The following HAUS6 variants were observed in gnomAD, a reference collection of about 807,000 sequenced individuals.
HAUS6 encodes HAUS augmin-like complex subunit 6.
Under a neutral mutation model 106.8 loss-of-function variants are expected in HAUS6, and 80 were observed. The ratio of observed to expected loss-of-function variants is 0.75; its 90% CI spans 0.63 to 0.90. The LOEUF is 0.90. HAUS6 is among the 40% of genes least tolerant of loss of function. The pLI, the probability that HAUS6 is intolerant of heterozygous loss-of-function variation, is 0.00. For missense variants in HAUS6, 1,155 were observed against 1,118.1 expected (o/e 1.03, Z -0.47); for synonymous variants, 356 against 379.1 (o/e 0.94, Z 0.71).
In HAUS6 at chr9:19,084,902, C is replaced by A. The variant is rs561387489; in HGVS notation, c.699+1832G>T. On this transcript the variant is annotated intron_variant, in intron 7 of 16. Coordinates refer to ENST00000380502, the MANE Select transcript of HAUS6 (RefSeq NM_017645.5). The stretch of plus-strand genomic sequence containing the variant: ...CCATATCGGCCTCCCAAAGTGCTCA[C>A]AGGCGTGAGCCACTGTACCCCCGCC... Among the ~76,000 whole-genome samples, 5 of 151,922 alleles carry A rather than the reference C, an allele frequency of 3.3e-5. No individual in the cohort carries two copies. The South Asian group carries it at 1.0e-3, about 31-fold the overall frequency.
chr9:19,059,888 T>A (rs1161205454), intron 15 of HAUS6, 200 bp downstream of exon 15: 3 of 403,762 alleles, frequency 7.4e-6, no homozygotes, highest in Non-Finnish European at 1.3e-5. Flanking sequence ...AAATTTTATA[T>A]CTCTGTATAT....
intron 5 of HAUS6, among the ~76,000 whole-genome samples, chr9:19,088,666 G>A (rs924118743): frequency 1.3e-5 from 2 of 150,048 alleles, no homozygotes; most frequent in African/African-American, 4.9e-5. Flanking sequence ...TCAGGAGTTC[G>A]AGACCAGCAT....
At position 19,053,652 on chromosome 9, in the gene HAUS6, G is replaced by A. The variant is rs1373817803; in HGVS notation, c.*2691C>T. Reference sequence around the variant, plus strand: ...TATCTCAGGTTTCAAGCTGATGTATGTCAGTTTATATACCTTTGTATCTTA... The same window carrying A: ...TATCTCAGGTTTCAAGCTGATGTATATCAGTTTATATACCTTTGTATCTTA... On this transcript the variant is annotated 3_prime_UTR_variant, in exon 17 of 17. Transcript: ENST00000380502. 4.6e-5 allele frequency: 7 copies of A among 152,156 alleles called. No homozygotes were observed. Among genetic ancestry groups the A allele is most frequent in the Non-Finnish European group, 7.4e-5 (5 of 68,004 alleles). The allele number at this position is 152,156 out of a possible 1,614,324, so 9.4% of individuals were successfully genotyped here.
intron 1 of HAUS6, among the ~76,000 whole-genome samples, chr9:19,099,159 T>G (rs1461676429): frequency 1.3e-5 from 2 of 149,802 alleles, no homozygotes; most frequent in African/African-American, 5.0e-5. Flanking sequence ...TTTTTTTTGT[T>G]TGTTTTTTTG....
At chr9:19,078,354 G>A in intron 9 of HAUS6, 52 bp from the exon 10 acceptor site, 1 of 1,085,208 alleles carries the variant, frequency 9.2e-7, no homozygotes, top group Non-Finnish European at 1.4e-6. Flanking sequence ...AAAAAGCACT[G>A]AGTAAAATTT....
At chr9:19,060,344 C>A in intron 14 of HAUS6, 121 bp from the exon 15 acceptor site, 1 of 683,816 alleles carries the variant, frequency 1.5e-6, no homozygotes, top group Non-Finnish European at 2.4e-6. Context: ...GCAGACAACA[C>A]AAAAATAAGC....
intron 12 of HAUS6, among the ~76,000 whole-genome samples, chr9:19,067,842 G>A (rs1452786813): frequency 1.3e-5 from 2 of 151,902 alleles, no homozygotes; most frequent in Non-Finnish European, 2.9e-5. Flanking sequence ...ATAAGCATGC[G>A]CCACCACACC....
Position 19,058,879 on chromosome 9 carries a change from T to C in HAUS6, c.1888A>G (p.Asn630Asp), listed in dbSNP as rs766416871. The C allele has an allele frequency of 1.2e-6, 2 of 1,611,522 alleles. No homozygotes were observed. Among genetic ancestry groups the C allele is most frequent in the Admixed American group, 3.3e-5 (2 of 59,996 alleles). ...VLPESLPVLH[N>D]QREFSMADFL... ...TCAGCCATGCTAAATTCTCTTTGAT[T>C]GTGCAACACAGGTAATGATTCTGGC... The change falls in exon 16 of 17, where the codon AAT becomes GAT. Residue 630 changes from asparagine (N) to aspartate (D), a missense_variant. Asn to Asp is a conservative substitution (Grantham distance 23, BLOSUM62 1). Coordinates refer to ENST00000380502, the MANE Select transcript of HAUS6 (RefSeq NM_017645.5).
intron 11 of HAUS6, among the ~76,000 whole-genome samples, chr9:19,075,107 A>T (rs926146919): frequency 6.6e-6 from 1 of 152,212 alleles, no homozygotes; most frequent in Non-Finnish European, 1.5e-5. Flanking sequence ...AACTTTGAAA[A>T]CGCTATGCTA....
Position 19,102,510 on chromosome 9 carries a change from C to G in HAUS6, c.128+14G>C. The G allele has an allele frequency of 6.2e-7, 1 of 1,611,568 alleles. No homozygotes were observed. Among genetic ancestry groups the G allele is most frequent in the South Asian group, 1.1e-5 (1 of 90,850 alleles). On this transcript the variant is annotated intron_variant, in intron 1 of 16. Transcript: ENST00000380502. ...GTTCAGGCTCCCTCGCCCCGCCGGCCCCGGCCTCCTTACACTCCGAGGTGC... is the reference window on the plus strand; with the variant it reads ...GTTCAGGCTCCCTCGCCCCGCCGGCGCCGGCCTCCTTACACTCCGAGGTGC...
intron 12 of HAUS6, 101 bp downstream of exon 12, chr9:19,070,118 G>T: frequency 1.4e-6 from 1 of 697,674 alleles, no homozygotes; most frequent in South Asian, 1.7e-5. Flanking sequence ...CTCCCCAACA[G>T]ACCCAGAAGT....
chr9:19,094,963 C>A (rs1344715202), intron 2 of HAUS6, among the ~76,000 whole-genome samples: 1 of 151,832 alleles, frequency 6.6e-6, no homozygotes, highest in African/African-American at 2.4e-5. Flanking sequence ...ATAAAAATTG[C>A]TGAAAATCAG....
intron 12 of HAUS6, 71 bp from the exon 13 acceptor site, chr9:19,063,651 C>A (rs1447032053): frequency 2.9e-6 from 3 of 1,027,870 alleles, no homozygotes; most frequent in African/African-American, 1.6e-5. Context: ...CGAGTCTATT[C>A]TAAAATCTGT....
chr9:19,078,002 A>C lies in HAUS6; in HGVS notation c.1191+174T>G, dbSNP rs1837048212. Among the ~76,000 whole-genome samples the C allele has an allele frequency of 2.0e-5, 3 of 152,150 alleles. No homozygotes were observed. In the East Asian group the frequency reaches 5.8e-4, roughly 29 times the overall value. On this transcript the variant is annotated intron_variant, in intron 10 of 16. Coordinates refer to ENST00000380502, the MANE Select transcript of HAUS6 (RefSeq NM_017645.5). Reference sequence around the variant, plus strand: ...CTTGAGCCCGGAAGTTCAAGGTTACAACAAGCTATGATCATGCCACCGTAC... The same window carrying C: ...CTTGAGCCCGGAAGTTCAAGGTTACCACAAGCTATGATCATGCCACCGTAC...
In HAUS6 at chr9:19,058,657, T is replaced by C. The variant is rs1564006002; in HGVS notation, c.2110A>G (p.Lys704Glu). ...KQDLECLAFT[K>E]LSETSRMETF... ...TCCATTCGGCTAGTTTCTGAAAGCTTGGTGAAGGCTAAACATTCCAAATCT... is the reference window on the plus strand; with the variant it reads ...TCCATTCGGCTAGTTTCTGAAAGCTCGGTGAAGGCTAAACATTCCAAATCT... The change falls in exon 16 of 17, where the codon AAG (lysine) becomes GAG (glutamate). Residue 704 changes from lysine to glutamate, a missense_variant. Lys to Glu is a moderately conservative substitution (Grantham distance 56, BLOSUM62 1). Transcript: ENST00000380502. The C allele has an allele frequency of 2.5e-6, 4 of 1,608,508 alleles. No homozygotes were observed. Among genetic ancestry groups the C allele is most frequent in the Non-Finnish European group, 2.6e-6 (3 of 1,175,178 alleles).
chr9:19,078,496 C>T (rs1837060953), intron 9 of HAUS6, among the ~76,000 whole-genome samples, 194 bp from the exon 10 acceptor site: 1 of 152,022 alleles, frequency 6.6e-6, no homozygotes, highest in African/African-American at 2.4e-5. Flanking sequence ...CTTTTTATGA[C>T]CATAAAGAAG....
At chr9:19,080,932 C>T (rs558798645) in intron 8 of HAUS6, among the ~76,000 whole-genome samples, 4 of 152,004 alleles carry the variant, frequency 2.6e-5, no homozygotes, top group East Asian at 3.9e-4. Flanking sequence ...ATTAGCTGGG[C>T]GTGGTGGCAC....
chr9:19,093,621 C>A (rs1444224475), intron 3 of HAUS6, among the ~76,000 whole-genome samples: 1 of 152,160 alleles, frequency 6.6e-6, no homozygotes, highest in Non-Finnish European at 1.5e-5. Flanking sequence ...GTAATCCCAG[C>A]ATTTTGGGAG....
Position 19,102,578 on chromosome 9 carries a change from G to A in HAUS6, c.74C>T (p.Pro25Leu). ...WMYLQALGFE[P>L]GPATIACGKI... ...TCCGCAGGCAATGGTTGCCGGGCCT[G>A]GCTCGAAGCCGAGCGCCTGCAGATA... Residue 25 changes from proline to leucine, a missense_variant, in exon 1 of 17, where the codon CCA becomes CTA. Pro to Leu is a moderately conservative substitution (Grantham distance 98). This residue lies in a region of HAUS6 where 761 missense variants were observed against 690.0 expected (regional missense o/e 1.10). Transcript: ENST00000380502. 6 of 1,613,932 alleles carry A rather than the reference G, an allele frequency of 3.7e-6. No individual in the cohort carries two copies. In the South Asian group the frequency reaches 5.5e-5, roughly 15 times the overall value.
Sources: allele counts gnomAD v4.1 joint callset (sites outside exome capture counted in the v4.1 genomes callset), GRCh38; gene constraint gnomAD v4.1.1; regional missense constraint gnomAD v4.1.1; transcripts MANE v1.5; gene names NCBI Gene and HGNC (gene_info 2026-07-23, HGNC 2026-07-21).